CEP85L: variants seen among roughly 807,000 people sequenced by gnomAD.
CEP85L encodes centrosomal protein of 85 kDa-like.
CEP85L carries 60 observed loss-of-function variants against 100.3 expected under a neutral mutation model. That is an observed-to-expected ratio of 0.60 (90% CI 0.49 to 0.74). The LOEUF (loss-of-function observed/expected upper bound fraction) is 0.74. CEP85L is among the 30% of genes least tolerant of loss of function. The pLI is 0.00. For missense variants in CEP85L, 973 were observed against 936.2 expected (o/e 1.04, Z -0.51); for synonymous variants, 319 against 322.7 (o/e 0.99, Z 0.12).
intron 6 of CEP85L, among the ~76,000 whole-genome samples, chr6:118,484,757 A>T (rs1165753844): frequency 1.2e-5 from 1 of 84,706 alleles, no homozygotes; most frequent in Non-Finnish European, 2.7e-5. Context: ...CAAGTAACTA[A>T]AACTATTTTG....
At chr6:118,628,554 A>T (rs1220033488) in intron 2 of CEP85L, among the ~76,000 whole-genome samples, 2 of 151,922 alleles carry the variant, frequency 1.3e-5, no homozygotes, top group African/African-American at 4.8e-5. Flanking sequence ...TAAAAAAAAA[A>T]GGAGAAGAAG....
At chr6:118,566,990 C>T (rs1218833863) in intron 2 of CEP85L, among the ~76,000 whole-genome samples, 22 of 151,916 alleles carry the variant, frequency 1.4e-4, no homozygotes, top group Non-Finnish European at 3.2e-4. Flanking sequence ...GTCTCAGACA[C>T]AACTTTGTCA....
At chr6:118,499,069 A>G (rs1775107498) in intron 5 of CEP85L, among the ~76,000 whole-genome samples, 1 of 152,228 alleles carries the variant, frequency 6.6e-6, no homozygotes, top group South Asian at 2.1e-4. Context: ...GAAAAGGAAA[A>G]TACAACCTAT....
chr6:118,613,816 TA>T (rs1457766906), intron 2 of CEP85L, among the ~76,000 whole-genome samples: 1 of 144,698 alleles, frequency 6.9e-6, no homozygotes, highest in Non-Finnish European at 1.5e-5. Flanking sequence ...ACCAAATGTA[TA>T]AAAAAGAATC....
At chr6:118,500,047 T>A (rs1393983894) in intron 5 of CEP85L, among the ~76,000 whole-genome samples, 1 of 152,180 alleles carries the variant, frequency 6.6e-6, no homozygotes, top group African/African-American at 2.4e-5. Context: ...ATGACTGTTA[T>A]CCCAGCACCT....
chr6:118,519,608 C>G, intron 4 of CEP85L, among the ~76,000 whole-genome samples: 1 of 126,808 alleles, frequency 7.9e-6, no homozygotes, highest in Non-Finnish European at 1.6e-5. Context: ...GAAACTCCGT[C>G]TCAAAAAAAC....
At chr6:118,480,280 A>G (rs1183400392) in intron 9 of CEP85L, 116 bp downstream of exon 9, 1 of 564,832 alleles carries the variant, frequency 1.8e-6, no homozygotes, top group Non-Finnish European at 3.0e-6. Flanking sequence ...GAAACTATGT[A>G]AGTGATTAAA....
intron 3 of CEP85L, 88 bp from the exon 4 acceptor site, chr6:118,524,008 A>T (rs1334282367): frequency 1.6e-5 from 7 of 447,516 alleles, no homozygotes; most frequent in East Asian, 4.8e-5. Context: ...GATTTATATT[A>T]AAAAAAAAGA....
At chr6:118,626,306 G>A (rs189457132) in intron 2 of CEP85L, among the ~76,000 whole-genome samples, 1 of 152,258 alleles carries the variant, frequency 6.6e-6, no homozygotes, top group Admixed American at 6.5e-5. Context: ...TTAGCTGTAA[G>A]TTTTCCTGTA....
chr6:118,595,188 G>T (rs1781399590), intron 2 of CEP85L, among the ~76,000 whole-genome samples: 1 of 152,112 alleles, frequency 6.6e-6, no homozygotes, highest in African/African-American at 2.4e-5. Flanking sequence ...TGGCCTCCAG[G>T]TCTCAGCAAA....
chr6:118,587,749 C>T (rs962562918), intron 2 of CEP85L, among the ~76,000 whole-genome samples: 12 of 152,126 alleles, frequency 7.9e-5, no homozygotes, highest in East Asian at 1.9e-4. Flanking sequence ...GGGCATATTA[C>T]GTCTCTAATT....
chr6:118,468,494 A>C (rs567349239), intron 12 of CEP85L, among the ~76,000 whole-genome samples: 78 of 152,310 alleles, frequency 5.1e-4, no homozygotes, highest in African/African-American at 1.9e-3. Flanking sequence ...CACTAGGATT[A>C]TTACTGTGGC....
In CEP85L at chr6:118,469,262, C is replaced by A; in HGVS notation, c.2064G>T (p.Gln688His). 6.2e-7 allele frequency: 1 copy of A among 1,613,966 alleles called. No individual in the cohort carries two copies. The highest frequency in any genetic ancestry group is 8.5e-7 in the Non-Finnish European group (1 of 1,179,908). Residue 688 changes from glutamine (Q) to histidine (H), a missense_variant, in exon 12 of 13, where the codon CAG (glutamine) becomes CAT (histidine). Gln to His is a conservative substitution (Grantham distance 24, BLOSUM62 0). Around this residue, in one of 3 missense-constraint regions of CEP85L, gnomAD observed 890 missense variants for 844.5 expected, o/e 1.05. Transcript: ENST00000368491. ...QTDETCSLLD[Q>H]GQEPDQSRQQ... ...GCCTAGATTGGTCAGGTTCCTGGCC[C>A]TGATCCAATAAAGAGCATGTCTCAT...
chr6:118,607,140 G>C (rs991735362), intron 2 of CEP85L, among the ~76,000 whole-genome samples: 2 of 152,074 alleles, frequency 1.3e-5, no homozygotes, highest in Non-Finnish European at 2.9e-5. Flanking sequence ...ACTCTGCTTA[G>C]CACCCAATAT....
chr6:118,581,181 A>C (rs1412671122), intron 2 of CEP85L, among the ~76,000 whole-genome samples: 2 of 152,180 alleles, frequency 1.3e-5, no homozygotes, highest in African/African-American at 4.8e-5. Flanking sequence ...TTTTAGTCTC[A>C]ATATTGTCCC....
At chr6:118,545,619 G>C (rs961465407) in intron 3 of CEP85L, among the ~76,000 whole-genome samples, 1 of 152,066 alleles carries the variant, frequency 6.6e-6, no homozygotes, top group Non-Finnish European at 1.5e-5. Context: ...TACTTTTGAG[G>C]AACACATTTA....
chr6:118,589,588 T>C (rs1176066789), intron 2 of CEP85L: 1 of 260,480 alleles, frequency 3.8e-6, no homozygotes, highest in East Asian at 1.0e-4. Flanking sequence ...AGAGAGAAAG[T>C]ATCTAGTGAT....
intron 5 of CEP85L, chr6:118,501,870 C>G: frequency 7.8e-7 from 1 of 1,283,688 alleles, no homozygotes; most frequent in East Asian, 2.4e-5. Context: ...TTCAAGAGTC[C>G]CAGCAAAGAA....
chr6:118,656,234 A>G (rs903598308), upstream of CEP85L, among the ~76,000 whole-genome samples: 7 of 152,224 alleles, frequency 4.6e-5, no homozygotes, highest in African/African-American at 1.4e-4. Flanking sequence ...AAAAGGGGCA[A>G]AGAATGTAAG....
Sources: gnomAD v4.1 joint callset for allele counts (sites outside exome capture counted in the v4.1 genomes callset) on GRCh38, gnomAD v4.1.1 for gene constraint, gnomAD v4.1.1 regional missense constraint, MANE v1.5 for transcripts, NCBI Gene and HGNC (gene_info 2026-07-23, HGNC 2026-07-21) for gene names.